NCOA3: variants seen among roughly 807,000 people sequenced by gnomAD.
The protein encoded by NCOA3 is nuclear receptor coactivator 3.
A neutral mutation model predicts 158.8 loss-of-function variants in NCOA3; 51 were observed. The ratio of observed to expected loss-of-function variants is 0.32; its 90% CI spans 0.26 to 0.41. The LOEUF is 0.41. Among genes scored for constraint, NCOA3 ranks in the 10% least tolerant of loss-of-function variants. The pLI is 1.00. For missense variants in NCOA3, 1,510 were observed against 1,746.6 expected (o/e 0.86, Z 2.41); for synonymous variants, 537 against 592.4 (o/e 0.91, Z 1.36).
chr20:47,622,714 A>G (rs1009023307), intron 3 of NCOA3, among the ~76,000 whole-genome samples: 15 of 152,336 alleles, frequency 9.8e-5, no homozygotes, highest in South Asian at 2.1e-4. Flanking sequence ...GAGAGTCAGC[A>G]AAGGGTGGTG....
chr20:47,612,755 A>T (rs2086064799), intron 2 of NCOA3, among the ~76,000 whole-genome samples: 1 of 152,220 alleles, frequency 6.6e-6, no homozygotes. Context: ...AACCTTTAAA[A>T]CAAAAGAGTT....
At chr20:47,582,700 A>C (rs934103476) in intron 1 of NCOA3, among the ~76,000 whole-genome samples, 10 of 152,174 alleles carry the variant, frequency 6.6e-5, no homozygotes, top group African/African-American at 2.4e-4. Flanking sequence ...AGTAGTGATT[A>C]TATGGTACAA....
At chr20:47,586,445 C>A (rs2085537479) in intron 2 of NCOA3, among the ~76,000 whole-genome samples, 1 of 151,944 alleles carries the variant, frequency 6.6e-6, no homozygotes, top group African/African-American at 2.4e-5. Flanking sequence ...CTTCTTTCCC[C>A]TAATACTTCT....
At chr20:47,559,521 T>C (rs2085065345) in intron 1 of NCOA3, among the ~76,000 whole-genome samples, 1 of 152,160 alleles carries the variant, frequency 6.6e-6, no homozygotes, top group African/African-American at 2.4e-5. Flanking sequence ...CTTGCTTCTC[T>C]TTCTTACTAA....
chr20:47,652,104 A>ATGGAGTGATGTGAG (rs2086804192), intron 20 of NCOA3, among the ~76,000 whole-genome samples: 1 of 152,114 alleles, frequency 6.6e-6, no homozygotes, highest in East Asian at 1.9e-4. Flanking sequence ...TTAAAGAAGG[A>ATGGAGTGATGTGAG]TGGAGTGATG....
intron 17 of NCOA3, among the ~76,000 whole-genome samples, chr20:47,643,298 T>C (rs1289359431): frequency 6.6e-6 from 1 of 152,242 alleles, no homozygotes; most frequent in African/African-American, 2.4e-5. Context: ...CATCAGGGGC[T>C]GTCAGTTGTT....
chr20:47,509,267 G>T (rs944425082), intron 1 of NCOA3, among the ~76,000 whole-genome samples: 1 of 152,042 alleles, frequency 6.6e-6, no homozygotes, highest in Non-Finnish European at 1.5e-5. Context: ...GGTGATGTGC[G>T]CCTGTGGTCC....
intron 9 of NCOA3, 34 bp from the exon 10 acceptor site, chr20:47,634,014 G>A (rs567549843): frequency 2.0e-5 from 32 of 1,612,540 alleles, no homozygotes; most frequent in Non-Finnish European, 2.4e-5. Flanking sequence ...TTTGCTGACT[G>A]TAGTTACCAG....
intron 2 of NCOA3, among the ~76,000 whole-genome samples, chr20:47,618,839 AAC>A (rs2086189239): frequency 6.6e-6 from 1 of 152,254 alleles, no homozygotes; most frequent in African/African-American, 2.4e-5. Context: ...ACATTGGCTT[AAC>A]ACAAATGATC....
chr20:47,531,338 C>A (rs1359601642), intron 1 of NCOA3, among the ~76,000 whole-genome samples: 4 of 108,426 alleles, frequency 3.7e-5, no homozygotes, highest in South Asian at 4.0e-4. Flanking sequence ...GCGAGACTAT[C>A]TCAAACAAAC....
At position 47,624,993 on chromosome 20, in the gene NCOA3, A is replaced by T. The variant is rs550643155; in HGVS notation, c.257-388A>T. Among the ~76,000 whole-genome samples the T allele has an allele frequency of 7.9e-5, 12 of 152,072 alleles. No homozygotes were observed. In the East Asian group the frequency reaches 2.1e-3, roughly 27 times the overall value. On this transcript the variant is annotated intron_variant, in intron 4 of 22. Transcript: ENST00000371998. The stretch of plus-strand genomic sequence containing the variant: ...TTGCCATGTTGGCCAGGCTGGTCTC[A>T]AACTCCTGACCTCAGGTGATCCACC...
Position 47,651,098 on chromosome 20 carries a change from GCAGCAGCAGCAGCAGCAGCAGCAA to G in NCOA3, c.3774_3797del (p.Gln1269_Gln1276del), listed in dbSNP as rs2086784906. On this transcript the variant is annotated inframe_deletion, in exon 20 of 23. Coordinates refer to ENST00000371998, the MANE Select transcript of NCOA3 (RefSeq NM_181659.3). Reference sequence around the variant, plus strand: ...AGCAGCAGCAGCAGCAGCAACAGCAGCAGCAGCAGCAGCAGCAGCAGCAACAGCAACAGCAACAGCAACAGCAGC... The same window carrying G: ...AGCAGCAGCAGCAGCAGCAACAGCAGCAGCAACAGCAACAGCAACAGCAGC... The G allele has an allele frequency of 2.2e-6, 3 of 1,338,912 alleles. No homozygotes were observed. The highest frequency in any genetic ancestry group is 2.5e-5 in the East Asian group (1 of 39,618). 82.9% of individuals were successfully genotyped at this position (1,338,912 alleles called of 1,614,324 possible). A position where few individuals can be genotyped will look rare whatever the true frequency, so the allele number is the denominator to read the frequency against.
chr20:47,548,537 T>TC (rs2084871590), intron 1 of NCOA3, among the ~76,000 whole-genome samples: 1 of 151,556 alleles, frequency 6.6e-6, no homozygotes, highest in African/African-American at 2.4e-5. Flanking sequence ...AGAGTGAAAC[T>TC]CCATCTCAAA....
At chr20:47,525,616 AC>A (rs1176855560) in intron 1 of NCOA3, among the ~76,000 whole-genome samples, 3 of 96,716 alleles carry the variant, frequency 3.1e-5, no homozygotes, top group South Asian at 3.4e-4. Flanking sequence ...CGGGGGGCTG[AC>A]CCCCCCACCT....
intron 1 of NCOA3, among the ~76,000 whole-genome samples, chr20:47,508,928 G>C (rs530636523): frequency 1.3e-5 from 2 of 152,156 alleles, no homozygotes; most frequent in South Asian, 4.2e-4. Context: ...TAAAACAAAG[G>C]GTGCTCTGTA....
intron 1 of NCOA3, among the ~76,000 whole-genome samples, chr20:47,531,607 C>A (rs6012202): frequency 6.6e-6 from 1 of 152,166 alleles, no homozygotes; most frequent in African/African-American, 2.4e-5. Context: ...TTCTCCATCC[C>A]TTCCCTGTGA....
At chr20:47,583,443 G>T (rs2085485321) in intron 2 of NCOA3, among the ~76,000 whole-genome samples, 182 bp downstream of exon 2, 2 of 151,696 alleles carry the variant, frequency 1.3e-5, no homozygotes, top group South Asian at 4.2e-4. Flanking sequence ...TGTATGTACA[G>T]TTGGCCCTTG....
intron 2 of NCOA3, among the ~76,000 whole-genome samples, chr20:47,589,380 T>G (rs2085588610): frequency 6.6e-6 from 1 of 151,970 alleles, no homozygotes; most frequent in South Asian, 2.1e-4. Context: ...TTATAGGACT[T>G]TATTTATTTT....
At chr20:47,582,506 C>T (rs1368991132) in intron 1 of NCOA3, among the ~76,000 whole-genome samples, 1 of 152,206 alleles carries the variant, frequency 6.6e-6, no homozygotes, top group African/African-American at 2.4e-5. Context: ...AGCCACTGCG[C>T]CTGGCCCTGA....
Sources: allele counts gnomAD v4.1 joint callset (sites outside exome capture counted in the v4.1 genomes callset), GRCh38; gene constraint gnomAD v4.1.1; transcripts MANE v1.5; gene names NCBI Gene and HGNC (gene_info 2026-07-23, HGNC 2026-07-21).